C18orf63: variants seen among roughly 807,000 people sequenced by gnomAD.
C18orf63 encodes the protein chromosome 18 open reading frame 63, also known as uncharacterized protein C18orf63.
In C18orf63, 50 loss-of-function variants were observed where a neutral mutation model predicts 75.3. The observed-to-expected ratio is 0.66, with a 90% CI of 0.53 to 0.84. The LOEUF (loss-of-function observed/expected upper bound fraction) is 0.84. Among genes scored for constraint, C18orf63 ranks in the 40% least tolerant of loss-of-function variants. C18orf63 has a pLI of 0.00. For missense variants in C18orf63, 732 were observed against 800.2 expected, an observed-to-expected ratio of 0.91 and a Z score of 1.03; for synonymous variants, 232 against 267.6, an observed-to-expected ratio of 0.87 and a Z score of 1.30.
intron 7 of C18orf63, among the ~76,000 whole-genome samples, chr18:74,336,918 A>C (rs1458533153): frequency 6.6e-6 from 1 of 152,042 alleles, no homozygotes; most frequent in East Asian, 1.9e-4. Context: ...GGTCTCTGAA[A>C]TGGACTCCTC....
intron 2 of C18orf63, among the ~76,000 whole-genome samples, chr18:74,318,929 A>G (rs899348188): frequency 1.3e-5 from 2 of 152,236 alleles, no homozygotes; most frequent in African/African-American, 2.4e-5. Flanking sequence ...CTATATTTAA[A>G]TGAATTGCTT....
At position 74,335,226 on chromosome 18, in the gene C18orf63, A is replaced by G. The variant is rs140341348; in HGVS notation, c.502-3489A>G. On this transcript the variant is annotated intron_variant, in intron 7 of 13. Transcript: ENST00000579455. ...GAGCATTGACTGGAGTGAAAGACTAATTTATTTTTTGAACTAGGTGACTTT... is the reference window on the plus strand; with the variant it reads ...GAGCATTGACTGGAGTGAAAGACTAGTTTATTTTTTGAACTAGGTGACTTT... Among the ~76,000 whole-genome samples, 671 of 152,242 alleles carry G rather than the reference A, an allele frequency of 4.4e-3. 2 individuals are homozygous for G. In the South Asian group the frequency reaches 0.047, roughly 11 times the overall value.
At chr18:74,350,416 G>A (rs1264017771) in intron 11 of C18orf63, among the ~76,000 whole-genome samples, 1 of 152,076 alleles carries the variant, frequency 6.6e-6, no homozygotes, top group Non-Finnish European at 1.5e-5. Context: ...TACTGTAGTA[G>A]GGTGGGCCCT....
At chr18:74,318,590 A>C (rs1229985683) in intron 2 of C18orf63, among the ~76,000 whole-genome samples, 3 of 152,116 alleles carry the variant, frequency 2.0e-5, no homozygotes, top group East Asian at 3.9e-4. Flanking sequence ...GGAGTTCGAC[A>C]CCAGCCTGGC....
intron 11 of C18orf63, among the ~76,000 whole-genome samples, chr18:74,352,024 G>A (rs1380117199): frequency 6.6e-6 from 1 of 151,990 alleles, no homozygotes; most frequent in Admixed American, 6.6e-5. Flanking sequence ...AGAGATGAGT[G>A]GATAAAATAT....
chr18:74,347,206 T>A (rs1984588913), intron 11 of C18orf63, among the ~76,000 whole-genome samples: 1 of 152,220 alleles, frequency 6.6e-6, no homozygotes, highest in Non-Finnish European at 1.5e-5. Flanking sequence ...GATTCGGTTC[T>A]CTAGGAGCTG....
intron 1 of C18orf63, among the ~76,000 whole-genome samples, chr18:74,316,582 A>G (rs1315049539): frequency 1.3e-5 from 2 of 152,184 alleles, no homozygotes; most frequent in African/African-American, 4.8e-5. Context: ...CCTCACGTGT[A>G]GAATTGCGTA....
intron 5 of C18orf63, 81 bp downstream of exon 5, chr18:74,328,139 C>A: frequency 2.5e-6 from 2 of 807,760 alleles, no homozygotes; most frequent in Non-Finnish European, 2.0e-6. Context: ...TCTCATGCTG[C>A]TAATAAAGAC....
chr18:74,355,675 T>G (rs1984752676), intron 13 of C18orf63, among the ~76,000 whole-genome samples: 1 of 151,740 alleles, frequency 6.6e-6, no homozygotes, highest in South Asian at 2.1e-4. Context: ...ATTCCAGCAT[T>G]TTGGGAGGCT....
At chr18:74,339,599 C>T (rs1984446560) in intron 8 of C18orf63, among the ~76,000 whole-genome samples, 1 of 152,116 alleles carries the variant, frequency 6.6e-6, no homozygotes, top group Non-Finnish European at 1.5e-5. Context: ...AGGATGCCCA[C>T]TCTCTCCACT....
At chr18:74,331,736 G>C (rs1414586175) in intron 7 of C18orf63, among the ~76,000 whole-genome samples, 2 of 152,176 alleles carry the variant, frequency 1.3e-5, no homozygotes, top group Non-Finnish European at 2.9e-5. Flanking sequence ...CCCAGGCATA[G>C]AACAAATGAT....
rs1441755905 is a variant in C18orf63 at position 74,317,818 on chromosome 18, C to G, written c.-32-16C>G. ...TAAGATAATTTACTACCTTTTTTTG[C>G]TGTTTATTTTTAAAGGCCTGATTGC... On this transcript the variant is annotated splice_polypyrimidine_tract_variant and intron_variant, in intron 1 of 13. Coordinates refer to ENST00000579455, the MANE Select transcript of C18orf63 (RefSeq NM_001174123.2). 1 of 1,438,340 alleles carries G rather than the reference C, an allele frequency of 7.0e-7. No individual in the cohort carries two copies. Among genetic ancestry groups the G allele is most frequent in the Admixed American group, 2.5e-5 (1 of 40,410 alleles). 89.1% of individuals were successfully genotyped at this position (1,438,340 alleles called of 1,614,324 possible). A position where few individuals can be genotyped will look rare whatever the true frequency, so the allele number is the denominator to read the frequency against.
intron 13 of C18orf63, among the ~76,000 whole-genome samples, chr18:74,355,997 T>C (rs1339783324): frequency 8.6e-5 from 13 of 151,866 alleles, no homozygotes; most frequent in Admixed American, 8.5e-4. Context: ...AGGTAGAGGT[T>C]GCAGTGAACT....
intron 11 of C18orf63, among the ~76,000 whole-genome samples, chr18:74,349,137 G>T (rs973100959): frequency 6.6e-6 from 1 of 151,982 alleles, no homozygotes; most frequent in South Asian, 2.1e-4. Context: ...AGAACCCAAG[G>T]GTCCAAACAG....
At chr18:74,344,638 G>A (rs1046895160) in intron 11 of C18orf63, among the ~76,000 whole-genome samples, 1 of 151,836 alleles carries the variant, frequency 6.6e-6, no homozygotes, top group Non-Finnish European at 1.5e-5. Flanking sequence ...ATTTCATTTT[G>A]CATGCTTTTG....
At chr18:74,352,559 A>T (rs1242485850) in intron 11 of C18orf63, among the ~76,000 whole-genome samples, 2 of 152,198 alleles carry the variant, frequency 1.3e-5, no homozygotes, top group African/African-American at 4.8e-5. Context: ...GTGAAAAAGT[A>T]AACATGATTA....
At chr18:74,347,403 C>G (rs1984591747) in intron 11 of C18orf63, among the ~76,000 whole-genome samples, 1 of 152,222 alleles carries the variant, frequency 6.6e-6, no homozygotes, top group Non-Finnish European at 1.5e-5. Flanking sequence ...TTGTTCTGCA[C>G]TGGTCCAGAT....
chr18:74,329,512 G>A (rs1225205562), intron 6 of C18orf63, among the ~76,000 whole-genome samples: 1 of 151,156 alleles, frequency 6.6e-6, no homozygotes, highest in African/African-American at 2.4e-5. Context: ...TATTCAAAAT[G>A]TACATTCTAG....
chr18:74,353,405 G>A lies in C18orf63; in HGVS notation c.1138G>A (p.Gly380Ser), dbSNP rs1241079606. 18 of 1,536,160 alleles carry A rather than the reference G, an allele frequency of 1.2e-5. No individual in the cohort carries two copies. The highest frequency in any genetic ancestry group is 1.5e-5 in the Non-Finnish European group (17 of 1,146,946). ...GCTTTCAGTCAGCCAGCCAACATCA[G>A]GCATTTTCTCAGCTTTGCATCTCCA... ...VELSVSQPTS[G>S]IFSALHLQPE... Residue 380 changes from glycine (G) to serine (S), a missense_variant, in exon 12 of 14, where the codon GGC (glycine) becomes AGC (serine). Coordinates refer to ENST00000579455, the MANE Select transcript of C18orf63 (RefSeq NM_001174123.2).
Sources: allele counts gnomAD v4.1 joint callset (sites outside exome capture counted in the v4.1 genomes callset), GRCh38; gene constraint gnomAD v4.1.1; transcripts MANE v1.5; gene names NCBI Gene and HGNC (gene_info 2026-07-23, HGNC 2026-07-21).